Variants in CSMD1 observed in about 807,000 individuals in gnomAD.
CSMD1 encodes the protein CUB and sushi domain-containing protein 1.
CSMD1 carries 213 observed loss-of-function variants against 417.5 expected under a neutral mutation model. That is an observed-to-expected ratio of 0.51 (90% CI 0.46 to 0.57). The LOEUF (loss-of-function observed/expected upper bound fraction) is 0.57. Among genes scored for constraint, CSMD1 ranks in the 20% least tolerant of loss-of-function variants. The pLI, the probability that CSMD1 is intolerant of heterozygous loss-of-function variation, is 0.00. For synonymous variants in CSMD1, 2,862 were observed against 1,736.8 expected, an observed-to-expected ratio of 1.65 and a Z score of -16.11; for missense variants, 6,923 against 4,529.7, an observed-to-expected ratio of 1.53 and a Z score of -15.17.
intron 7 of CSMD1, among the ~76,000 whole-genome samples, chr8:3,643,032 G>T (rs1208768579): frequency 2.0e-5 from 3 of 152,072 alleles, no homozygotes; most frequent in African/African-American, 7.2e-5. Flanking sequence ...ATGCAGCACA[G>T]AGGAGGAAAA....
chr8:4,670,780 GA>G (rs1264247345), intron 1 of CSMD1, among the ~76,000 whole-genome samples: 1 of 152,036 alleles, frequency 6.6e-6, no homozygotes, highest in Non-Finnish European at 1.5e-5. Flanking sequence ...ATAATATAAA[GA>G]AAAAAATAAT....
At chr8:3,086,673 G>T (rs1228046475) in intron 49 of CSMD1, among the ~76,000 whole-genome samples, 1 of 152,114 alleles carries the variant, frequency 6.6e-6, no homozygotes. Flanking sequence ...ACAAGCTCTA[G>T]ATTTAAATAA....
At chr8:4,051,067 G>C (rs1459878899) in intron 3 of CSMD1, among the ~76,000 whole-genome samples, 1 of 152,032 alleles carries the variant, frequency 6.6e-6, no homozygotes, top group Non-Finnish European at 1.5e-5. Flanking sequence ...GCTTTGTTTT[G>C]AAGCGCACTG....
At chr8:4,491,111 T>C (rs909447719) in intron 2 of CSMD1, among the ~76,000 whole-genome samples, 2 of 152,144 alleles carry the variant, frequency 1.3e-5, no homozygotes, top group Non-Finnish European at 2.9e-5. Flanking sequence ...AGGCTTAATA[T>C]GCGGGCAATG....
chr8:3,605,584 T>C (rs1801573130), intron 8 of CSMD1, among the ~76,000 whole-genome samples: 1 of 152,252 alleles, frequency 6.6e-6, no homozygotes, highest in African/African-American at 2.4e-5. Flanking sequence ...ATGTAATTTT[T>C]TTCCTTAATG....
intron 5 of CSMD1, among the ~76,000 whole-genome samples, chr8:3,860,201 A>T (rs1804603264): frequency 6.6e-6 from 1 of 152,178 alleles, no homozygotes; most frequent in African/African-American, 2.4e-5. Flanking sequence ...TTCATATGAA[A>T]GTAGGAACAG....
chr8:4,162,474 G>C (rs986365882), intron 3 of CSMD1, among the ~76,000 whole-genome samples: 1 of 152,132 alleles, frequency 6.6e-6, no homozygotes, highest in Non-Finnish European at 1.5e-5. Flanking sequence ...CAAAATTTAA[G>C]CCAGTTTGAT....
At chr8:4,166,425 G>A (rs990874613) in intron 3 of CSMD1, among the ~76,000 whole-genome samples, 55 of 152,216 alleles carry the variant, frequency 3.6e-4, no homozygotes, top group South Asian at 8.3e-4. Flanking sequence ...CACAATAATA[G>A]CCATAACATA....
intron 27 of CSMD1, among the ~76,000 whole-genome samples, chr8:3,226,967 T>A (rs1042035516): frequency 6.6e-6 from 1 of 152,178 alleles, no homozygotes; most frequent in Non-Finnish European, 1.5e-5. Context: ...ATTATTAATT[T>A]AAAATGCCAA....
chr8:3,256,828 T>G (rs1451299160), intron 26 of CSMD1, among the ~76,000 whole-genome samples: 2 of 152,218 alleles, frequency 1.3e-5, no homozygotes, highest in Non-Finnish European at 2.9e-5. Flanking sequence ...CACAGGATTC[T>G]TATTTTAATT....
chr8:4,539,936 A>T (rs558336681), intron 2 of CSMD1, among the ~76,000 whole-genome samples: 128 of 151,870 alleles, frequency 8.4e-4, no homozygotes, highest in African/African-American at 2.9e-3. Flanking sequence ...CTTCCCATCT[A>T]CCCCAGCCCA....
intron 3 of CSMD1, among the ~76,000 whole-genome samples, chr8:4,114,372 G>C (rs1342361275): frequency 1.3e-5 from 2 of 152,178 alleles, no homozygotes; most frequent in Non-Finnish European, 2.9e-5. Context: ...CTACTGTTGA[G>C]ACCTACTGCT....
chr8:2,938,440 C>G lies in CSMD1; in HGVS notation c.*145G>C. ...ACCCTGACACATTTGAGTAGAGATC[C>G]CCGCTGCACTTATGCCAGTAGACAA... On this transcript the variant is annotated 3_prime_UTR_variant, in exon 70 of 70. Coordinates refer to ENST00000635120, the MANE Select transcript of CSMD1 (RefSeq NM_033225.6). The G allele has an allele frequency of 4.2e-6, 3 of 715,808 alleles. No homozygotes were observed. The highest frequency in any genetic ancestry group is 2.3e-6 in the Non-Finnish European group (1 of 444,216). 44.3% of individuals were successfully genotyped at this position (715,808 alleles called of 1,614,324 possible).
At chr8:3,919,147 C>G (rs1213764021) in intron 5 of CSMD1, among the ~76,000 whole-genome samples, 3 of 113,458 alleles carry the variant, frequency 2.6e-5, no homozygotes, top group Non-Finnish European at 3.5e-5. Context: ...AGTCCCACTT[C>G]TTTTGATTTG....
intron 12 of CSMD1, among the ~76,000 whole-genome samples, chr8:3,430,106 C>G (rs1466011904): frequency 6.6e-6 from 1 of 152,080 alleles, no homozygotes; most frequent in Non-Finnish European, 1.5e-5. Context: ...CACACATGCA[C>G]ATATACATAT....
At chr8:3,017,806 T>TAAAAA (rs777717027) in intron 52 of CSMD1, among the ~76,000 whole-genome samples, 5 of 76,478 alleles carry the variant, frequency 6.5e-5, no homozygotes, top group East Asian at 3.8e-4. Context: ...TTGAGTGATT[T>TAAAAA]AAAAAAAAAA....
At chr8:4,428,453 A>G (rs920893450) in intron 2 of CSMD1, among the ~76,000 whole-genome samples, 3 of 152,176 alleles carry the variant, frequency 2.0e-5, no homozygotes, top group African/African-American at 7.2e-5. Flanking sequence ...ATGGTTTTTC[A>G]CATTAATTTC....
intron 9 of CSMD1, among the ~76,000 whole-genome samples, chr8:3,576,775 A>G (rs13273702): frequency 0.42 from 63,919 of 152,024 alleles, 13,990 homozygotes; most frequent in Middle Eastern, 0.51. Context: ...GTTCTCAGAG[A>G]GGATCATAAA....
At chr8:3,755,220 T>A (rs1204814173) in intron 5 of CSMD1, among the ~76,000 whole-genome samples, 2 of 152,198 alleles carry the variant, frequency 1.3e-5, no homozygotes, top group African/African-American at 4.8e-5. Context: ...TGATACAGGA[T>A]TGCGTGCTGG....
Sources: allele counts gnomAD v4.1 joint callset (sites outside exome capture counted in the v4.1 genomes callset), GRCh38; gene constraint gnomAD v4.1.1; transcripts MANE v1.5; gene names NCBI Gene and HGNC (gene_info 2026-07-23, HGNC 2026-07-21).